The following DEPDC5 variants were observed in gnomAD, a reference collection of about 807,000 sequenced individuals.
DEPDC5 encodes DEP domain containing 5, GATOR1 subcomplex subunit.
In DEPDC5, 73 loss-of-function variants were observed where a neutral mutation model predicts 217.3. That is an observed-to-expected ratio of 0.34 (90% CI 0.28 to 0.41). The LOEUF (loss-of-function observed/expected upper bound fraction) is 0.41. Among genes scored for constraint, DEPDC5 ranks in the 10% least tolerant of loss-of-function variants. DEPDC5 has a pLI of 1.00. For synonymous variants in DEPDC5, 733 were observed against 756.7 expected (o/e 0.97, Z 0.51); for missense variants, 1,675 against 2,070.1 (o/e 0.81, Z 3.70).
intron 22 of DEPDC5, 77 bp from the exon 23 acceptor site, chr22:31,821,425 A>G: frequency 1.3e-6 from 2 of 1,573,296 alleles, no homozygotes; most frequent in Non-Finnish European, 1.7e-6. Context: ...GTAGCTGGAA[A>G]GAAGGGAGAG....
At chr22:31,779,119 A>G (rs1288298610) in intron 8 of DEPDC5, among the ~76,000 whole-genome samples, 3 of 152,172 alleles carry the variant, frequency 2.0e-5, no homozygotes, top group Admixed American at 1.3e-4. Context: ...CTACAAATCT[A>G]CAAGTTATGA....
intron 34 of DEPDC5, among the ~76,000 whole-genome samples, chr22:31,871,791 T>C (rs2092851437): frequency 1.3e-5 from 2 of 152,184 alleles, no homozygotes; most frequent in Non-Finnish European, 2.9e-5. Flanking sequence ...GACCAATGAC[T>C]GAAAAATACA....
At chr22:31,828,758 C>G (rs1269648400) in intron 24 of DEPDC5, among the ~76,000 whole-genome samples, 1 of 152,194 alleles carries the variant, frequency 6.6e-6, no homozygotes, top group Non-Finnish European at 1.5e-5. Context: ...GTGTATTGAA[C>G]TCTAGGCACT....
chr22:31,776,027 C>T (rs1284247201), intron 7 of DEPDC5, among the ~76,000 whole-genome samples: 31 of 125,514 alleles, frequency 2.5e-4, no homozygotes, highest in African/African-American at 2.5e-4. Context: ...GGCGACAGAG[C>T]GAGACTACAT....
intron 4 of DEPDC5, among the ~76,000 whole-genome samples, chr22:31,764,641 G>C (rs7291898): frequency 0.13 from 19,791 of 151,964 alleles, 1,391 homozygotes; most frequent in African/African-American, 0.17. Context: ...GTCTCGAACT[G>C]CTGACCTCAG....
chr22:31,829,221 T>G (rs1223065459), intron 24 of DEPDC5, among the ~76,000 whole-genome samples: 1 of 152,164 alleles, frequency 6.6e-6, no homozygotes, highest in East Asian at 1.9e-4. Context: ...CACAACTGGT[T>G]AACATTTCAT....
chr22:31,861,286 C>T, intron 32 of DEPDC5, 82 bp from the exon 33 acceptor site: 1 of 1,313,634 alleles, frequency 7.6e-7, no homozygotes, highest in Non-Finnish European at 1.1e-6. Flanking sequence ...TCTCCTTCCC[C>T]TGATGGTTAA....
intron 10 of DEPDC5, among the ~76,000 whole-genome samples, chr22:31,787,704 CAA>C (rs1203311089): frequency 6.6e-6 from 1 of 151,558 alleles, no homozygotes; most frequent in Non-Finnish European, 1.5e-5. Flanking sequence ...CTCAGCTACT[CAA>C]GAGGCTGAGG....
chr22:31,856,051 C>T (rs1264701767), intron 31 of DEPDC5, among the ~76,000 whole-genome samples: 3 of 151,692 alleles, frequency 2.0e-5, no homozygotes, highest in Admixed American at 6.6e-5. Flanking sequence ...GGGAAGAAAC[C>T]GGAGTGGGTG....
intron 36 of DEPDC5, among the ~76,000 whole-genome samples, chr22:31,874,702 C>T (rs922120727): frequency 6.6e-6 from 1 of 152,174 alleles, no homozygotes; most frequent in African/African-American, 2.4e-5. Context: ...AATGCCCTCC[C>T]TCTGACCTCA....
intron 37 of DEPDC5, among the ~76,000 whole-genome samples, chr22:31,879,043 A>AAAAAAATAT (rs763615141): frequency 1.7e-5 from 2 of 119,476 alleles, no homozygotes; most frequent in Non-Finnish European, 3.3e-5. Flanking sequence ...AAAAAAAAAA[A>AAAAAAATAT]ATATATATAT....
chr22:31,874,711 C>G (rs575181935), intron 36 of DEPDC5, among the ~76,000 whole-genome samples: 71 of 152,176 alleles, frequency 4.7e-4, no homozygotes, highest in Non-Finnish European at 3.1e-4. Flanking sequence ...CCTCTGACCT[C>G]AAGCCGCCAG....
At chr22:31,813,475 G>C (rs1005800773) in intron 20 of DEPDC5, among the ~76,000 whole-genome samples, 2 of 152,090 alleles carry the variant, frequency 1.3e-5, no homozygotes, top group Non-Finnish European at 2.9e-5. Context: ...CTTGGAATCT[G>C]TTTTCAGGCT....
Position 31,873,284 on chromosome 22 carries a change from C to A in DEPDC5, c.3515C>A (p.Thr1172Asn), listed in dbSNP as rs865860087. The stretch of plus-strand genomic sequence containing the variant: ...CAGCAGCTGGTGGCAAGCTCCTTGA[C>A]CTCATCCTCTACCCTGACAGAGATC... ...SSQQLVASSL[T>N]SSSTLTEILE... The change falls in exon 35 of 43, where the codon ACC (threonine) becomes AAC (asparagine). Residue 1172 changes from threonine to asparagine, a missense_variant. Physicochemically the swap from Thr to Asn is moderately conservative, Grantham distance 65. Around this residue, in one of 11 missense-constraint regions of DEPDC5, gnomAD observed 194 missense variants for 199.3 expected, o/e 0.97. Coordinates refer to ENST00000651528, the MANE Select transcript of DEPDC5 (RefSeq NM_001242896.3). The A allele has an allele frequency of 9.3e-6, 15 of 1,613,980 alleles. No individual in the cohort carries two copies. The African/African-American group carries it at 1.2e-4, about 13-fold the overall frequency.
chr22:31,768,100 T>G (rs1449596167), intron 6 of DEPDC5, among the ~76,000 whole-genome samples: 1 of 150,966 alleles, frequency 6.6e-6, no homozygotes, highest in Non-Finnish European at 1.5e-5. Flanking sequence ...TTTTTTAATT[T>G]TTTTTTATTT....
rs770979723 is a variant in DEPDC5 at position 31,846,906 on chromosome 22, C to T, written c.3094C>T (p.Pro1032Ser). The T allele has an allele frequency of 1.2e-6, 2 of 1,614,218 alleles. No individual in the cohort carries two copies. The highest frequency in any genetic ancestry group is 1.7e-6 in the Non-Finnish European group (2 of 1,180,038). The change falls in exon 31 of 43, where the codon CCA becomes TCA. Residue 1032 changes from proline (P) to serine (S), a missense_variant. By Grantham distance (74) the Pro-to-Ser change is moderately conservative. This residue lies in a region of DEPDC5 where 293 missense variants were observed against 386.1 expected (regional missense o/e 0.76). Transcript: ENST00000651528. ...GCATTCTCTGGAGTCAACTGCACCC[C>T]CAGTGGGGAAGAAGGGAACCTCAGC... ...STHSLESTAPPVGKKGTSALS... is the reference protein window; with the variant it reads ...STHSLESTAPSVGKKGTSALS...
chr22:31,789,271 T>A (rs75404247), intron 10 of DEPDC5, among the ~76,000 whole-genome samples: 3 of 152,244 alleles, frequency 2.0e-5, no homozygotes, highest in Non-Finnish European at 4.4e-5. Flanking sequence ...ATAAATAAAA[T>A]GTATATCCAT....
Position 31,838,735 on chromosome 22 carries a change from T to A in DEPDC5, c.2405T>A (p.Phe802Tyr). 1 of 1,614,026 alleles carries A rather than the reference T, an allele frequency of 6.2e-7. No individual in the cohort carries two copies. The highest frequency in any genetic ancestry group is 8.5e-7 in the Non-Finnish European group (1 of 1,179,990). Residue 802 changes from phenylalanine to tyrosine, a missense_variant, in exon 27 of 43, where the codon TTT (phenylalanine) becomes TAT (tyrosine). By Grantham distance (22) the Phe-to-Tyr change is conservative (BLOSUM62 3). Transcript: ENST00000651528. ...ACAGCCCAGCAGGTATTTGAAGAGT[T>A]TATTTGCCAACGTCTCATGCAGGGC... is the stretch of plus-strand genomic sequence containing the variant. ...QMTAQQVFEEFICQRLMQGYQ... is the reference protein window; with the variant it reads ...QMTAQQVFEEYICQRLMQGYQ...
intron 22 of DEPDC5, among the ~76,000 whole-genome samples, chr22:31,820,363 C>T (rs182462862): frequency 6.6e-4 from 100 of 152,276 alleles, no homozygotes; most frequent in African/African-American, 2.3e-3. Context: ...CCACCCACCC[C>T]GGCTTCCCAG....
Sources: gnomAD v4.1 joint callset for allele counts (sites outside exome capture counted in the v4.1 genomes callset) on GRCh38, gnomAD v4.1.1 for gene constraint, gnomAD v4.1.1 regional missense constraint, MANE v1.5 for transcripts, NCBI Gene and HGNC (gene_info 2026-07-23, HGNC 2026-07-21) for gene names.